PHACTR2: variants seen among roughly 807,000 people sequenced by gnomAD.
PHACTR2 encodes the protein phosphatase and actin regulator 2.
In PHACTR2, 30 loss-of-function variants were observed where a neutral mutation model predicts 76.0. The ratio of observed to expected loss-of-function variants is 0.39; its 90% CI spans 0.30 to 0.54. PHACTR2 has a LOEUF of 0.54. Among genes scored for constraint, PHACTR2 ranks in the 20% least tolerant of loss-of-function variants. The pLI is 0.61. For synonymous variants in PHACTR2, 292 were observed against 292.5 expected (o/e 1.00, Z 0.02); for missense variants, 696 against 781.1 (o/e 0.89, Z 1.30).
chr6:143,610,378 A>C lies in PHACTR2; in HGVS notation c.13+2056A>C, dbSNP rs1317235937. ...GATAATGATGTTGAGTATTTGCCTA[A>C]ATTTTTCTAATCAGAAATGAATTGA... On this transcript the variant is annotated intron_variant, in intron 1 of 11. Transcript: ENST00000305766. The surrounding 1 kb of genome is among the most constrained non-coding windows in gnomAD (Gnocchi z 4.9). Among the ~76,000 whole-genome samples, 2 of 152,174 alleles carry C rather than the reference A, an allele frequency of 1.3e-5. No individual in the cohort carries two copies. Among genetic ancestry groups the C allele is most frequent in the African/African-American group, 4.8e-5 (2 of 41,440 alleles).
At chr6:143,785,315 G>A (rs1433545589) in intron 10 of PHACTR2, among the ~76,000 whole-genome samples, 4 of 152,172 alleles carry the variant, frequency 2.6e-5, no homozygotes, top group African/African-American at 9.7e-5. Context: ...AATTTTAAAG[G>A]TCCAAAATTA....
chr6:143,747,252 A>G (rs762813023), intron 2 of PHACTR2, among the ~76,000 whole-genome samples: 11 of 152,250 alleles, frequency 7.2e-5, no homozygotes, highest in Non-Finnish European at 1.2e-4. Context: ...CAGGATTTAA[A>G]AAGGAATACA....
At chr6:143,559,979 G>A (rs1775242603) in intron 1 of PHACTR2, among the ~76,000 whole-genome samples, 1 of 151,800 alleles carries the variant, frequency 6.6e-6, no homozygotes, top group African/African-American at 2.4e-5. Context: ...CCAAAGGGCT[G>A]GGATTACAGG....
rs759823212 is a variant in PHACTR2 at position 143,783,306 on chromosome 6, G to A, written c.1707+26G>A. On this transcript the variant is annotated intron_variant, in intron 10 of 12. Coordinates refer to ENST00000440869, the MANE Select transcript of PHACTR2 (RefSeq NM_001100164.2). The surrounding 1 kb of genome is among the most constrained non-coding windows in gnomAD (Gnocchi z 5.2). ...GTAATGAAATCATAACTATTAATGA[G>A]CATATGTGTTTTGAGATATACTTTT... 1.7e-5 allele frequency: 24 copies of A among 1,434,964 alleles called. No homozygotes were observed. The East Asian group carries it at 4.3e-4, about 26-fold the overall frequency. The allele number at this position is 1,434,964 out of a possible 1,614,324, so 88.9% of individuals were successfully genotyped here. A position where few individuals can be genotyped will look rare whatever the true frequency, so the allele number is the denominator to read the frequency against.
At chr6:143,606,406 C>T (rs765161946), upstream of PHACTR2, among the ~76,000 whole-genome samples, 7 of 152,050 alleles carry the variant, frequency 4.6e-5, no homozygotes, top group South Asian at 2.1e-4. Flanking sequence ...GTGTTTCGAA[C>T]GACCAATAAA....
intron 6 of PHACTR2, among the ~76,000 whole-genome samples, chr6:143,766,174 C>G (rs145948396): frequency 0.024 from 3,662 of 152,304 alleles, 142 homozygotes; most frequent in Admixed American, 0.12. Context: ...TCCCCTTCAC[C>G]AAGAACATAA....
rs1033171834 is a variant in PHACTR2, at chr6:143,627,413, A to C, written c.13+19091A>C. 6.6e-6 allele frequency among the ~76,000 whole-genome samples: 1 copy of C among 152,220 alleles called. No homozygotes were observed. The highest frequency in any genetic ancestry group is 1.5e-5 in the Non-Finnish European group (1 of 68,038). ...TATTTTATACCATTTAATTTCATAA[A>C]TATTTATTGAGTTCCTAATTATGGG... On this transcript the variant is annotated intron_variant, in intron 1 of 11. Coordinates refer to the PHACTR2 transcript ENST00000305766. The surrounding 1 kb of genome is among the most constrained non-coding windows in gnomAD (Gnocchi z 4.3).
At chr6:143,790,256 G>A (rs145700834) in intron 11 of PHACTR2, among the ~76,000 whole-genome samples, 2 of 152,250 alleles carry the variant, frequency 1.3e-5, no homozygotes, top group East Asian at 3.9e-4. Context: ...CAGTATCAAG[G>A]GAGTGATTTT....
rs1218443541 is a variant in PHACTR2, at chr6:143,581,839, C to T, written c.217+44632C>T. Among the ~76,000 whole-genome samples the T allele has an allele frequency of 6.6e-6, 1 of 152,064 alleles. No individual in the cohort carries two copies. Among genetic ancestry groups the T allele is most frequent in the Non-Finnish European group, 1.5e-5 (1 of 67,994 alleles). On this transcript the variant is annotated intron_variant, in intron 1 of 11. Transcript: ENST00000367584. This position sits in a 1 kb window ranked among gnomAD's most constrained non-coding sequence, Gnocchi z 4.5. ...AGAGTGAGAACCCTGTTCCCCTCCC[C>T]ACCCCTCAAAAAGGAAAGAAAGTTA... is the stretch of plus-strand genomic sequence containing the variant.
chr6:143,675,218 G>A (rs187023499), upstream of PHACTR2, among the ~76,000 whole-genome samples: 4 of 152,284 alleles, frequency 2.6e-5, no homozygotes, highest in Admixed American at 1.3e-4. This position sits in a 1 kb window ranked among gnomAD's most constrained non-coding sequence, Gnocchi z 4.9. Context: ...AATCACAGTA[G>A]TTCTTTCAGA....
chr6:143,620,189 GC>G (rs369940260), intron 1 of PHACTR2, among the ~76,000 whole-genome samples: 190 of 152,272 alleles, frequency 1.2e-3, no homozygotes, highest in Non-Finnish European at 2.2e-3. Context: ...TAAAGCTCCA[GC>G]TTTAACTTCT....
rs189878491 is a variant in PHACTR2, at chr6:143,688,439, A to G, written c.46+10230A>G. 3.2e-3 allele frequency among the ~76,000 whole-genome samples: 491 copies of G among 152,284 alleles called. 1 individual carries two copies. Among genetic ancestry groups the G allele is most frequent in the African/African-American group, 0.011 (477 of 41,578 alleles). ...CAACTCTGACCTTTCTCTGCACTGC[A>G]GGCTCAAATGTGCAACTCCCTATTT... is the stretch of plus-strand genomic sequence containing the variant. On this transcript the variant is annotated intron_variant, in intron 1 of 12. Transcript: ENST00000440869. This position sits in a 1 kb window ranked among gnomAD's most constrained non-coding sequence, Gnocchi z 5.2.
At position 143,558,343 on chromosome 6, in the gene PHACTR2, GA is replaced by G. The variant is rs986744046; in HGVS notation, c.217+21142del. On this transcript the variant is annotated intron_variant, in intron 1 of 11. Coordinates refer to the PHACTR2 transcript ENST00000367584. The surrounding 1 kb of genome is among the most constrained non-coding windows in gnomAD (Gnocchi z 4.7). Reference sequence around the variant, plus strand: ...ATTTACATGTAAAAATATGATAGGAGAAAAAAGATGTCTACTTTTTTGCTTC... The same window carrying G: ...ATTTACATGTAAAAATATGATAGGAGAAAAAGATGTCTACTTTTTTGCTTC... 6.6e-6 allele frequency among the ~76,000 whole-genome samples: 1 copy of G among 152,078 alleles called. No individual in the cohort carries two copies. The highest frequency in any genetic ancestry group is 1.5e-5 in the Non-Finnish European group (1 of 68,016).
Position 143,828,216 on chromosome 6 carries a change from CAG to C in PHACTR2, c.*4530_*4531del, listed in dbSNP as rs1776586166. On this transcript the variant is annotated 3_prime_UTR_variant, in exon 13 of 13. Coordinates refer to ENST00000440869, the MANE Select transcript of PHACTR2 (RefSeq NM_001100164.2). This position sits in a 1 kb window ranked among gnomAD's most constrained non-coding sequence, Gnocchi z 4.7. Reference sequence around the variant, plus strand: ...TATGTCCTCCAGGGAAAAGCAATGACAGAGTAATCACCAAATTAATAGGAACA... The same window carrying C: ...TATGTCCTCCAGGGAAAAGCAATGACAGTAATCACCAAATTAATAGGAACA... 2 of 152,030 alleles carry C rather than the reference CAG, an allele frequency of 1.3e-5. No individual in the cohort carries two copies. Among genetic ancestry groups the C allele is most frequent in the African/African-American group, 4.8e-5 (2 of 41,376 alleles). The allele number at this position is 152,030 out of a possible 1,614,324, so 9.4% of individuals were successfully genotyped here.
intron 1 of PHACTR2, among the ~76,000 whole-genome samples, chr6:143,706,857 G>C (rs1294069127): frequency 1.3e-5 from 2 of 152,174 alleles, no homozygotes; most frequent in Non-Finnish European, 2.9e-5. Flanking sequence ...ACTTCACCCT[G>C]ACCTCATCAC....
intron 2 of PHACTR2, among the ~76,000 whole-genome samples, chr6:143,714,517 A>G (rs894960177): frequency 2.6e-5 from 4 of 152,174 alleles, no homozygotes; most frequent in Non-Finnish European, 5.9e-5. Context: ...AATCAGTTGT[A>G]TTTTGGAGTG....
At position 143,617,258 on chromosome 6, in the gene PHACTR2, C is replaced by T. The variant is rs1003253672; in HGVS notation, c.13+8936C>T. Among the ~76,000 whole-genome samples the T allele has an allele frequency of 6.6e-6, 1 of 152,186 alleles. No individual in the cohort carries two copies. The highest frequency in any genetic ancestry group is 2.1e-4 in the South Asian group (1 of 4,828). On this transcript the variant is annotated intron_variant, in intron 1 of 11. Coordinates refer to the PHACTR2 transcript ENST00000305766. The surrounding 1 kb of genome is among the most constrained non-coding windows in gnomAD (Gnocchi z 4.8). Reference sequence around the variant, plus strand: ...CTCCAAGCCCTGAATTTTCTCATGACGCTGATGGAATTCAACACCCAGTTT... The same window carrying T: ...CTCCAAGCCCTGAATTTTCTCATGATGCTGATGGAATTCAACACCCAGTTT...
In PHACTR2 at chr6:143,757,448, G is replaced by A. The variant is rs1006456715; in HGVS notation, c.455-2953G>A. On this transcript the variant is annotated intron_variant, in intron 4 of 12. Transcript: ENST00000440869. The surrounding 1 kb of genome is among the most constrained non-coding windows in gnomAD (Gnocchi z 4.2). ...GAAGGAGGTCATCAAGTGAAGCAGAGGAATTGGGTAAGAATTGCATTCTAG... is the reference window on the plus strand; with the variant it reads ...GAAGGAGGTCATCAAGTGAAGCAGAAGAATTGGGTAAGAATTGCATTCTAG... Among the ~76,000 whole-genome samples the A allele has an allele frequency of 6.6e-6, 1 of 152,210 alleles. No homozygotes were observed. The highest frequency in any genetic ancestry group is 1.5e-5 in the Non-Finnish European group (1 of 68,038).
In PHACTR2 at chr6:143,592,905, G is replaced by A. The variant is rs1024311543; in HGVS notation, c.217+55698G>A. 1.3e-5 allele frequency among the ~76,000 whole-genome samples: 2 copies of A among 151,814 alleles called. No individual in the cohort carries two copies. The highest frequency in any genetic ancestry group is 2.1e-4 in the South Asian group (1 of 4,796). The stretch of plus-strand genomic sequence containing the variant: ...CTACAAAAAATAAAAAAAAATAGCC[G>A]GACATGGTGACACACATCCCAGCTA... On this transcript the variant is annotated intron_variant, in intron 1 of 11. Transcript: ENST00000367584. The surrounding 1 kb of genome is among the most constrained non-coding windows in gnomAD (Gnocchi z 4.0).
Sources: gnomAD v4.1 joint callset for allele counts (sites outside exome capture counted in the v4.1 genomes callset) on GRCh38, gnomAD v4.1.1 for gene constraint, Gnocchi (gnomAD v3.1) non-coding constraint, MANE v1.5 for transcripts, NCBI Gene and HGNC (gene_info 2026-07-23, HGNC 2026-07-21) for gene names.